The following C1QTNF1 variants were observed in gnomAD, a reference collection of about 807,000 sequenced individuals.
The protein encoded by C1QTNF1 is complement C1q tumor necrosis factor-related protein 1.
Under a neutral mutation model 27.8 loss-of-function variants are expected in C1QTNF1, and 22 were observed. The observed-to-expected ratio is 0.79, with a 90% CI of 0.56 to 1.13. C1QTNF1 has a LOEUF of 1.13. C1QTNF1 is among the 50% of genes most tolerant of loss of function. The pLI, the probability that C1QTNF1 is intolerant of heterozygous loss-of-function variation, is 0.00. For synonymous variants in C1QTNF1, 166 were observed against 154.3 expected, an observed-to-expected ratio of 1.08 and a Z score of -0.56; for missense variants, 373 against 380.2, an observed-to-expected ratio of 0.98 and a Z score of 0.16.
At chr17:79,023,409 C>T (rs1329442662), upstream of C1QTNF1, among the ~76,000 whole-genome samples, 1 of 152,200 alleles carries the variant, frequency 6.6e-6, no homozygotes, top group Admixed American at 6.5e-5. Context: ...CCAGGGCCGG[C>T]TCTGGAGCAG....
intron 2 of C1QTNF1, among the ~76,000 whole-genome samples, chr17:79,045,327 C>G (rs2072539710): frequency 6.6e-6 from 1 of 152,028 alleles, no homozygotes; most frequent in Admixed American, 6.5e-5. Context: ...GGCAGTTGAG[C>G]CTGGAGGCAG....
intron 1 of C1QTNF1, among the ~76,000 whole-genome samples, chr17:79,042,857 G>A (rs1467224398): frequency 6.6e-6 from 1 of 152,232 alleles, no homozygotes; most frequent in Non-Finnish European, 1.5e-5. Context: ...GTACATGTGA[G>A]CGCATGTGTG....
At chr17:79,026,804 C>A (rs1167631618) in intron 1 of C1QTNF1, among the ~76,000 whole-genome samples, 2 of 152,200 alleles carry the variant, frequency 1.3e-5, no homozygotes, top group Non-Finnish European at 2.9e-5. Flanking sequence ...AAAGCCCAAG[C>A]TGTCCCAGGA....
intron 1 of C1QTNF1, among the ~76,000 whole-genome samples, chr17:79,039,496 T>C (rs2072345529): frequency 1.3e-5 from 2 of 152,090 alleles, no homozygotes; most frequent in Non-Finnish European, 2.9e-5. Flanking sequence ...CTACTAAAAA[T>C]ACAAAAATTA....
In C1QTNF1 at chr17:79,046,304, C is replaced by T. The variant is rs541620049; in HGVS notation, c.156-251C>T. Among the ~76,000 whole-genome samples, 5 of 152,326 alleles carry T rather than the reference C, an allele frequency of 3.3e-5. No individual in the cohort carries two copies. The highest frequency in any genetic ancestry group is 1.2e-4 in the African/African-American group (5 of 41,570). On this transcript the variant is annotated intron_variant, in intron 2 of 3. Coordinates refer to ENST00000579760, the MANE Select transcript of C1QTNF1 (RefSeq NM_030968.5). The surrounding 1 kb of genome is among the most constrained non-coding windows in gnomAD (Gnocchi z 4.8). ...TTTCTCCCGAGCAGCCCCCATCTTG[C>T]GTGGCACTCAATTGATCGCTGCGTG...
intron 1 of C1QTNF1, among the ~76,000 whole-genome samples, chr17:79,026,678 C>T (rs2071971837): frequency 6.6e-6 from 1 of 152,186 alleles, no homozygotes; most frequent in Non-Finnish European, 1.5e-5. Context: ...TTCAGGGAGG[C>T]AGGAAGCATG....
chr17:79,048,088 G>A lies in C1QTNF1; in HGVS notation c.846G>A (p.Ter282=). The A allele has an allele frequency of 6.5e-7, 1 of 1,547,362 alleles. No individual in the cohort carries two copies. The highest frequency in any genetic ancestry group is 8.7e-7 in the Non-Finnish European group (1 of 1,152,066). Residue 282 remains the stop codon, a stop_retained_variant, in exon 4 of 4, where the codon TAG becomes TAA. Coordinates refer to ENST00000579760, the MANE Select transcript of C1QTNF1 (RefSeq NM_030968.5). ...TGGTCAAGCACGCCACCGAGCCCTA[G>A]CTGGCCGGCCACCTCCTTTCCTCTC... ...GYLVKHATEP[*] is the part of the protein sequence containing the mutation.
Position 79,048,212 on chromosome 17 carries a change from A to C in C1QTNF1, c.*124A>C, listed in dbSNP as rs1489725654. 43 of 965,772 alleles carry C rather than the reference A, an allele frequency of 4.5e-5. No homozygotes were observed. Among genetic ancestry groups the C allele is most frequent in the Non-Finnish European group, 7.4e-6 (5 of 677,630 alleles). The allele number at this position is 965,772 out of a possible 1,614,324, so 59.8% of individuals were successfully genotyped here. On this transcript the variant is annotated 3_prime_UTR_variant, in exon 4 of 4. Transcript: ENST00000579760. ...TGGCATTCAGTGAGACGCCCTGCAC[A>C]CACAGAAAGCCAAAGCGATCGGTGC...
intron 1 of C1QTNF1, among the ~76,000 whole-genome samples, chr17:79,025,453 A>C (rs771188907): frequency 2.0e-5 from 3 of 152,146 alleles, no homozygotes; most frequent in Non-Finnish European, 4.4e-5. Context: ...TTTCTAGGAA[A>C]GGAGGCAACA....
At chr17:79,030,967 G>A (rs2072125172) in intron 1 of C1QTNF1, among the ~76,000 whole-genome samples, 1 of 151,062 alleles carries the variant, frequency 6.6e-6, no homozygotes, top group South Asian at 2.1e-4. Flanking sequence ...GCTGCTGGCT[G>A]ATTCTGCTCC....
At chr17:79,038,024 C>G (rs762449130) in intron 1 of C1QTNF1, among the ~76,000 whole-genome samples, 4 of 151,528 alleles carry the variant, frequency 2.6e-5, no homozygotes, top group Non-Finnish European at 5.9e-5. Context: ...GAGTCTCACT[C>G]TGTTGCTCAG....
At chr17:79,032,734 G>A (rs1008201958) in intron 1 of C1QTNF1, among the ~76,000 whole-genome samples, 9 of 152,182 alleles carry the variant, frequency 5.9e-5, no homozygotes, top group Non-Finnish European at 1.2e-4. Flanking sequence ...TGGTAAGGAC[G>A]GGGGAGAAGG....
chr17:79,037,917 C>G (rs955544056), intron 1 of C1QTNF1, among the ~76,000 whole-genome samples: 2 of 151,974 alleles, frequency 1.3e-5, no homozygotes, highest in Admixed American at 1.3e-4. Context: ...AGCAATCTAC[C>G]CACCTTGGCC....
intron 1 of C1QTNF1, among the ~76,000 whole-genome samples, chr17:79,030,388 C>T (rs1001055639): frequency 4.0e-5 from 6 of 151,224 alleles, no homozygotes; most frequent in African/African-American, 1.5e-4. Flanking sequence ...TTTGGGTCTG[C>T]ATGTTTTCAT....
At chr17:79,047,261 C>G in intron 3 of C1QTNF1, 3 of 341,208 alleles carry the variant, frequency 8.8e-6, no homozygotes, top group South Asian at 1.5e-4. Context: ...TTTACCAGGG[C>G]TTTCCAGAAG....
chr17:79,047,690 G>T lies in C1QTNF1; in HGVS notation c.448G>T (p.Val150Leu). The T allele has an allele frequency of 1.2e-6, 2 of 1,614,122 alleles. No homozygotes were observed. Among genetic ancestry groups the T allele is most frequent in the Non-Finnish European group, 1.7e-6 (2 of 1,179,998 alleles). ...CAAGAGCCACTACGCCGCCTTTTCG[G>T]TGGGCCGGAAGAAGCCCATGCACAG... The part of the protein sequence containing the change: ...RCKSHYAAFS[V>L]GRKKPMHSNH... The change falls in exon 4 of 4, where the codon GTG (valine) becomes TTG (leucine). Residue 150 changes from valine (V) to leucine (L), a missense_variant. Val to Leu is a conservative substitution (Grantham distance 32). Transcript: ENST00000579760.
At chr17:79,043,248 T>A in intron 1 of C1QTNF1, 1 of 453,810 alleles carries the variant, frequency 2.2e-6, no homozygotes, top group Non-Finnish European at 4.4e-6. Flanking sequence ...GATATGGGTA[T>A]ATGTATGCAT....
chr17:79,034,553 G>A (rs2072220239), intron 1 of C1QTNF1: 1 of 152,278 alleles, frequency 6.6e-6, no homozygotes, highest in African/African-American at 2.4e-5. Context: ...TCCTGGTGAA[G>A]GTGCAGTTGC....
intron 1 of C1QTNF1, among the ~76,000 whole-genome samples, chr17:79,041,459 C>T (rs116735850): frequency 0.015 from 2,292 of 152,206 alleles, 17 homozygotes; most frequent in African/African-American, 0.02. Flanking sequence ...GAGGGCTCTG[C>T]GGGGAGCCCT....
Sources: allele counts gnomAD v4.1 joint callset (sites outside exome capture counted in the v4.1 genomes callset), GRCh38; gene constraint gnomAD v4.1.1; non-coding constraint Gnocchi (gnomAD v3.1); transcripts MANE v1.5; gene names NCBI Gene and HGNC (gene_info 2026-07-23, HGNC 2026-07-21).